The following DLC1 variants were observed in gnomAD, a reference collection of about 807,000 sequenced individuals.
DLC1 encodes DLC1 Rho GTPase activating protein.
Under a neutral mutation model 140.3 loss-of-function variants are expected in DLC1, and 54 were observed. The observed-to-expected ratio is 0.38, with a 90% CI of 0.31 to 0.48. The LOEUF (loss-of-function observed/expected upper bound fraction) is 0.48. DLC1 is among the 20% of genes least tolerant of loss of function. The pLI is 0.96. For missense variants in DLC1, 2,536 were observed against 1,907.0 expected (o/e 1.33, Z -6.14); for synonymous variants, 986 against 728.1 (o/e 1.35, Z -5.70).
chr8:13,593,574 T>A (rs1805589634), intron 1 of DLC1, among the ~76,000 whole-genome samples: 1 of 152,096 alleles, frequency 6.6e-6, no homozygotes, highest in African/African-American at 2.4e-5. Context: ...AGAGATGTGT[T>A]CCTTGAATAA....
At chr8:13,489,463 A>G (rs944698282) in intron 2 of DLC1, among the ~76,000 whole-genome samples, 3 of 146,368 alleles carry the variant, frequency 2.0e-5, no homozygotes, top group Middle Eastern at 3.6e-3. Context: ...TGTTGCTACT[A>G]TTAAGAATAG....
chr8:13,493,604 A>G (rs979066795), intron 2 of DLC1, among the ~76,000 whole-genome samples: 4 of 152,192 alleles, frequency 2.6e-5, no homozygotes, highest in Non-Finnish European at 5.9e-5. Context: ...GAAACTATGT[A>G]TTATTGTTAA....
At chr8:13,330,286 T>C (rs1450314184) in intron 4 of DLC1, among the ~76,000 whole-genome samples, 1 of 152,224 alleles carries the variant, frequency 6.6e-6, no homozygotes, top group Non-Finnish European at 1.5e-5. Flanking sequence ...ACCGATTTTT[T>C]GCCTTTGGCT....
intron 3 of DLC1, among the ~76,000 whole-genome samples, chr8:13,396,058 C>CT (rs1458503033): frequency 0.33 from 44,088 of 131,960 alleles, 8,187 homozygotes; most frequent in Non-Finnish European, 0.42. Context: ...AATTTCTTTT[C>CT]TTTCTTTTTT....
intron 5 of DLC1, among the ~76,000 whole-genome samples, chr8:13,204,149 A>T (rs549487907): frequency 7.9e-5 from 12 of 152,312 alleles, no homozygotes; most frequent in Non-Finnish European, 1.5e-4. Context: ...ATTACTGTCA[A>T]GCCAGAAATA....
chr8:13,296,321 T>G (rs1831951743), intron 5 of DLC1, among the ~76,000 whole-genome samples: 1 of 152,126 alleles, frequency 6.6e-6, no homozygotes, highest in South Asian at 2.1e-4. Context: ...AAGGGCCCTT[T>G]CATAAATTGT....
At chr8:13,197,451 C>T (rs574636822) in intron 5 of DLC1, among the ~76,000 whole-genome samples, 232 of 152,052 alleles carry the variant, frequency 1.5e-3, no homozygotes, top group African/African-American at 5.2e-3. Flanking sequence ...CAGGTTCACG[C>T]CATTCTCCTG....
chr8:13,196,095 TACAC>T (rs59429334), intron 5 of DLC1, among the ~76,000 whole-genome samples: 13,948 of 147,058 alleles, frequency 0.095, 743 homozygotes, highest in South Asian at 0.18. Context: ...TCTGTATTGA[TACAC>T]ACACACACAC....
At chr8:13,220,677 G>A (rs1233360428) in intron 5 of DLC1, among the ~76,000 whole-genome samples, 1 of 152,142 alleles carries the variant, frequency 6.6e-6, no homozygotes, top group Admixed American at 6.5e-5. Flanking sequence ...TTACTGTGGA[G>A]GAAAGAAGTG....
At chr8:13,171,123 G>GA in intron 5 of DLC1, among the ~76,000 whole-genome samples, 2 of 151,952 alleles carry the variant, frequency 1.3e-5, no homozygotes, top group Admixed American at 1.3e-4. Context: ...AAGTGCAGGA[G>GA]AAAAAAAGGG....
At chr8:13,475,028 G>A (rs1248488302) in intron 2 of DLC1, among the ~76,000 whole-genome samples, 1 of 152,108 alleles carries the variant, frequency 6.6e-6, no homozygotes. Context: ...GCCCAGGCTG[G>A]TCTTGAACTC....
At chr8:13,523,293 T>C (rs1161494483) in intron 1 of DLC1, among the ~76,000 whole-genome samples, 1 of 152,182 alleles carries the variant, frequency 6.6e-6, no homozygotes, top group Non-Finnish European at 1.5e-5. Context: ...TTTTTAAGAA[T>C]TAAATTTGCT....
intron 2 of DLC1, among the ~76,000 whole-genome samples, chr8:13,489,583 GA>G (rs33974466): frequency 0.74 from 110,039 of 149,700 alleles, 42,916 homozygotes; most frequent in Non-Finnish European, 0.9. Flanking sequence ...TTATACAAAT[GA>G]AAAAAAAAAA....
chr8:13,512,334 G>T (rs1161912076), intron 1 of DLC1, among the ~76,000 whole-genome samples: 3 of 152,154 alleles, frequency 2.0e-5, no homozygotes, highest in Non-Finnish European at 4.4e-5. Flanking sequence ...GTCTGAGAAG[G>T]TATACTGCTT....
chr8:13,464,391 T>C (rs1210356398), intron 2 of DLC1, among the ~76,000 whole-genome samples: 1 of 152,194 alleles, frequency 6.6e-6, no homozygotes, highest in African/African-American at 2.4e-5. Context: ...TTAGGAAACA[T>C]AAATCTCAAA....
intron 5 of DLC1, among the ~76,000 whole-genome samples, chr8:13,150,847 C>G (rs1413931143): frequency 2.0e-5 from 3 of 152,208 alleles, no homozygotes; most frequent in Non-Finnish European, 4.4e-5. Context: ...CAACAGAGAA[C>G]TTTCTTCCCT....
chr8:13,516,448 C>G (rs776955032), upstream of DLC1, among the ~76,000 whole-genome samples: 1 of 152,118 alleles, frequency 6.6e-6, no homozygotes, highest in African/African-American at 2.4e-5. Flanking sequence ...TAGGTGATAA[C>G]TCAAAGATGC....
At chr8:13,251,578 C>G (rs567689236) in intron 5 of DLC1, among the ~76,000 whole-genome samples, 3 of 152,066 alleles carry the variant, frequency 2.0e-5, no homozygotes, top group African/African-American at 4.8e-5. Flanking sequence ...GATACAGGAC[C>G]TTTTGGATAA....
At chr8:13,095,270 G>T (rs1818415597) in intron 10 of DLC1, 25 bp from the exon 11 acceptor site, 1 of 1,613,852 alleles carries the variant, frequency 6.2e-7, no homozygotes, top group African/African-American at 1.3e-5. Flanking sequence ...AGAGATGGTG[G>T]TGTTGGCGGA....
Sources: allele counts gnomAD v4.1 joint callset (sites outside exome capture counted in the v4.1 genomes callset), GRCh38; gene constraint gnomAD v4.1.1; transcripts MANE v1.5; gene names NCBI Gene and HGNC (gene_info 2026-07-23, HGNC 2026-07-21).